Variants in HNRNPF observed in about 807,000 individuals in gnomAD.
HNRNPF encodes heterogeneous nuclear ribonucleoprotein F.
In HNRNPF, 2 loss-of-function variants were observed where a neutral mutation model predicts 26.0. The observed-to-expected ratio is 0.08, with a 90% CI of 0.03 to 0.24. The LOEUF (loss-of-function observed/expected upper bound fraction) is 0.24. Ranked by LOEUF, HNRNPF falls within the 10% of genes least tolerant of loss-of-function variation. The probability of loss-of-function intolerance (pLI) is 1.00; values close to 1 mark genes in which losing one functional copy is unlikely to be tolerated. For synonymous variants in HNRNPF, 234 were observed against 211.5 expected (o/e 1.11, Z -0.92); for missense variants, 299 against 539.2 (o/e 0.55, Z 4.41).
At chr10:43,392,170 A>C (rs962154078) in intron 3 of HNRNPF, among the ~76,000 whole-genome samples, 9 of 152,250 alleles carry the variant, frequency 5.9e-5, no homozygotes, top group Non-Finnish European at 1.0e-4. Flanking sequence ...TTGGGTGGCC[A>C]AGGCAGGCAG....
intron 3 of HNRNPF, among the ~76,000 whole-genome samples, chr10:43,389,922 A>G (rs1838176413): frequency 6.6e-6 from 1 of 152,212 alleles, no homozygotes; most frequent in African/African-American, 2.4e-5. Context: ...ATCAACTTTT[A>G]TAAAATAATC....
intron 1 of HNRNPF, among the ~76,000 whole-genome samples, chr10:43,404,244 T>C (rs947958000): frequency 1.4e-5 from 2 of 146,758 alleles, no homozygotes; most frequent in East Asian, 4.0e-4. Flanking sequence ...GAGGCTGCAG[T>C]GAGCCTGGAT....
In HNRNPF at chr10:43,387,753, A is replaced by G. The variant is rs766362559; in HGVS notation, c.132T>C (p.His44=). Residue 44 remains histidine (H), a synonymous_variant, in exon 4 of 4, where the codon CAT becomes CAC. Coordinates refer to ENST00000682386, the MANE Select transcript of HNRNPF (RefSeq NM_001098204.2). The surrounding 1 kb of genome is among the most constrained non-coding windows in gnomAD (Gnocchi z 6.0). The part of the protein sequence containing the change: ...CTIHDGAAGV[H]FIYTREGRQS... ...GCCTGCCCTCTCTAGTGTAGATGAA[A>G]TGGACACCTGCGGCCCCATCATGAA... 1 of 1,613,632 alleles carries G rather than the reference A, an allele frequency of 6.2e-7. No individual in the cohort carries two copies.
chr10:43,397,027 C>G (rs1308045907), intron 1 of HNRNPF, among the ~76,000 whole-genome samples: 2 of 151,334 alleles, frequency 1.3e-5, no homozygotes, highest in African/African-American at 4.9e-5. Flanking sequence ...TAGGCGGGAG[C>G]TCGGGGACCC....
intron 3 of HNRNPF, among the ~76,000 whole-genome samples, chr10:43,389,462 T>C (rs1400760915): frequency 6.6e-6 from 1 of 152,208 alleles, no homozygotes; most frequent in Non-Finnish European, 1.5e-5. Context: ...ACTAAATAAA[T>C]GCTCAACTGC....
chr10:43,404,350 T>C (rs187122683), intron 1 of HNRNPF, among the ~76,000 whole-genome samples: 1 of 150,080 alleles, frequency 6.7e-6, no homozygotes, highest in East Asian at 2.0e-4. Flanking sequence ...CTTAGAGCGA[T>C]CACATGAAAA....
At chr10:43,390,371 GA>G (rs1173627099) in intron 3 of HNRNPF, among the ~76,000 whole-genome samples, 47 of 152,228 alleles carry the variant, frequency 3.1e-4, no homozygotes, top group Non-Finnish European at 6.6e-4. Flanking sequence ...GGCCTCCCTC[GA>G]GTTCTGTTCC....
chr10:43,388,981 T>C (rs1318273850), intron 3 of HNRNPF, among the ~76,000 whole-genome samples: 3 of 150,828 alleles, frequency 2.0e-5, no homozygotes, highest in Non-Finnish European at 4.4e-5. Flanking sequence ...TTTTTTTTTT[T>C]TTTTTTTTGA....
In HNRNPF at chr10:43,387,971, G is replaced by GC. The variant is rs1838097921; in HGVS notation, c.-52-36dup. 2 of 1,173,946 alleles carry GC rather than the reference G, an allele frequency of 1.7e-6. No individual in the cohort carries two copies. The highest frequency in any genetic ancestry group is 2.6e-5 in the Admixed American group (1 of 38,340). The allele number at this position is 1,173,946 out of a possible 1,614,324, so 72.7% of individuals were successfully genotyped here. ...AAAAAAAGAAAAATTTATTTAGTATGCAACAGAAATTTTCCCCATTTTACA... is the reference window on the plus strand; with the variant it reads ...AAAAAAAGAAAAATTTATTTAGTATGCCAACAGAAATTTTCCCCATTTTACA... On this transcript the variant is annotated intron_variant, in intron 3 of 3. Coordinates refer to ENST00000682386, the MANE Select transcript of HNRNPF (RefSeq NM_001098204.2). The surrounding 1 kb of genome is among the most constrained non-coding windows in gnomAD (Gnocchi z 6.0).
At chr10:43,390,000 A>G (rs1017028571) in intron 3 of HNRNPF, among the ~76,000 whole-genome samples, 1 of 152,246 alleles carries the variant, frequency 6.6e-6, no homozygotes, top group Non-Finnish European at 1.5e-5. Context: ...TGGGTCTGCA[A>G]CAAACCCTGG....
At chr10:43,403,869 C>T (rs1049324949) in intron 1 of HNRNPF, among the ~76,000 whole-genome samples, 1 of 152,076 alleles carries the variant, frequency 6.6e-6, no homozygotes, top group Non-Finnish European at 1.5e-5. Flanking sequence ...GTGGCACACA[C>T]CTGTAATCCC....
At chr10:43,409,032 T>G (rs1022118426) in intron 1 of HNRNPF, 99 bp downstream of exon 1, 5 of 152,010 alleles carry the variant, frequency 3.3e-5, no homozygotes, top group African/African-American at 1.2e-4. Flanking sequence ...GCTCAGCCCT[T>G]TGCCCTGGAC....
chr10:43,401,699 T>G (rs904044173), intron 1 of HNRNPF, among the ~76,000 whole-genome samples: 1 of 152,114 alleles, frequency 6.6e-6, no homozygotes, highest in African/African-American at 2.4e-5. Flanking sequence ...CTCCTGTACC[T>G]CTCTCCCTTG....
intron 3 of HNRNPF, among the ~76,000 whole-genome samples, chr10:43,392,512 C>A (rs1459637653): frequency 3.3e-5 from 5 of 152,160 alleles, no homozygotes; most frequent in African/African-American, 1.2e-4. Context: ...GCACTCCAGC[C>A]TAGGCGACAG....
intron 3 of HNRNPF, among the ~76,000 whole-genome samples, chr10:43,392,553 A>C (rs1313636873): frequency 2.6e-5 from 4 of 152,172 alleles, no homozygotes; most frequent in Admixed American, 2.6e-4. Flanking sequence ...AACAAACAAA[A>C]AAACTGCATG....
chr10:43,402,125 TAAAAA>T (rs879636534), intron 1 of HNRNPF, among the ~76,000 whole-genome samples: 1 of 145,842 alleles, frequency 6.9e-6, no homozygotes, highest in African/African-American at 2.5e-5. Flanking sequence ...TTACAAAACT[TAAAAA>T]AAAAAACTTT....
intron 1 of HNRNPF, among the ~76,000 whole-genome samples, chr10:43,408,518 C>G (rs1452352600): frequency 1.3e-5 from 2 of 152,168 alleles, no homozygotes; most frequent in Non-Finnish European, 2.9e-5. Context: ...ACTCAGATCG[C>G]TCTTCCCTGA....
chr10:43,404,796 T>C (rs777498169), intron 1 of HNRNPF, among the ~76,000 whole-genome samples: 1 of 152,204 alleles, frequency 6.6e-6, no homozygotes, highest in African/African-American at 2.4e-5. Context: ...CACTCCAGCC[T>C]GGGCAACAAA....
chr10:43,397,006 C>T (rs1838564279), intron 1 of HNRNPF, among the ~76,000 whole-genome samples: 1 of 151,740 alleles, frequency 6.6e-6, no homozygotes, highest in East Asian at 2.0e-4. Flanking sequence ...GCCCGCCAAG[C>T]TAGCGCTGCC....
Sources: gnomAD v4.1 joint callset for allele counts (sites outside exome capture counted in the v4.1 genomes callset) on GRCh38, gnomAD v4.1.1 for gene constraint, Gnocchi (gnomAD v3.1) non-coding constraint, MANE v1.5 for transcripts, NCBI Gene and HGNC (gene_info 2026-07-23, HGNC 2026-07-21) for gene names.